The following HHAT variants were observed in gnomAD, a reference collection of about 807,000 sequenced individuals.
HHAT encodes protein-cysteine N-palmitoyltransferase HHAT.
A neutral mutation model predicts 70.8 loss-of-function variants in HHAT; 47 were observed. That is an observed-to-expected ratio of 0.66 (90% CI 0.53 to 0.85). The LOEUF is 0.85. Among genes scored for constraint, HHAT ranks in the 40% least tolerant of loss-of-function variants. HHAT has a pLI of 0.00. For missense variants in HHAT, 609 were observed against 604.8 expected (o/e 1.01, Z -0.07); for synonymous variants, 228 against 247.6 (o/e 0.92, Z 0.74).
At chr1:210,528,287 C>A (rs1456896871) in intron 9 of HHAT, among the ~76,000 whole-genome samples, 1 of 152,116 alleles carries the variant, frequency 6.6e-6, no homozygotes, top group South Asian at 2.1e-4. Context: ...AAAAGCATAT[C>A]AAACCCCTGT....
chr1:210,590,233 C>T (rs1344434308), intron 10 of HHAT: 1 of 152,150 alleles, frequency 6.6e-6, no homozygotes, highest in Non-Finnish European at 1.5e-5. Flanking sequence ...TCCAAATGCA[C>T]ACAATTTTTT....
intron 7 of HHAT, among the ~76,000 whole-genome samples, chr1:210,454,094 C>T (rs2093811845): frequency 6.6e-6 from 1 of 152,216 alleles, no homozygotes; most frequent in Admixed American, 6.5e-5. Context: ...GTGGGAAAGA[C>T]TGGCCCCCGT....
intron 7 of HHAT, among the ~76,000 whole-genome samples, chr1:210,439,047 C>T (rs538594587): frequency 3.9e-5 from 6 of 152,000 alleles, no homozygotes; most frequent in South Asian, 4.1e-4. Flanking sequence ...ATCATGCACA[C>T]GTCACCTTGG....
intron 11 of HHAT, chr1:210,631,171 T>C (rs538825130): frequency 2.2e-6 from 1 of 453,688 alleles, no homozygotes; most frequent in East Asian, 7.0e-5. Context: ...TAAGCAGCAA[T>C]ATCAGGTGAG....
chr1:210,554,932 T>C (rs1418323571), intron 9 of HHAT, among the ~76,000 whole-genome samples: 1 of 152,174 alleles, frequency 6.6e-6, no homozygotes, highest in Admixed American at 6.5e-5. Flanking sequence ...TGGTGTTTTC[T>C]CTTCTTCCTA....
Position 210,426,126 on chromosome 1 carries a change from C to A in HHAT, c.856+7801C>A, listed in dbSNP as rs555667061. Among the ~76,000 whole-genome samples the A allele has an allele frequency of 2.6e-5, 4 of 152,118 alleles. No individual in the cohort carries two copies. The South Asian group carries it at 8.3e-4, about 32-fold the overall frequency. On this transcript the variant is annotated intron_variant, in intron 7 of 11. Coordinates refer to ENST00000261458, the MANE Select transcript of HHAT (RefSeq NM_018194.6). ...GGCAGTTGTGAATGGTAATTTGTTG[C>A]TGATTTGGCTCTCAGCTTGACTGCT...
chr1:210,341,638 G>C (rs575605843), intron 1 of HHAT, among the ~76,000 whole-genome samples: 5 of 152,292 alleles, frequency 3.3e-5, no homozygotes, highest in South Asian at 4.1e-4. Context: ...GAGAGGATCC[G>C]AGTAGATGGC....
At chr1:210,350,986 G>A (rs1447939859) in intron 2 of HHAT, among the ~76,000 whole-genome samples, 1 of 152,094 alleles carries the variant, frequency 6.6e-6, no homozygotes, top group Non-Finnish European at 1.5e-5. Context: ...GGGTTCTCCA[G>A]GGAAATAGAA....
intron 11 of HHAT, among the ~76,000 whole-genome samples, chr1:210,649,359 A>G (rs1674676660): frequency 6.6e-6 from 1 of 152,258 alleles, no homozygotes; most frequent in Admixed American, 6.5e-5. Flanking sequence ...TGGCTTCACA[A>G]AATAAGCCGT....
At position 210,400,522 on chromosome 1, in the gene HHAT, G is replaced by A. The variant is rs1307835291; in HGVS notation, c.328G>A (p.Gly110Arg). ...GATGTGGGCCTGCTGGTGTGTGCTGGGGACCCCTGGTGTGGCTATGGTTTT... is the reference window on the plus strand; with the variant it reads ...GATGTGGGCCTGCTGGTGTGTGCTGAGGACCCCTGGTGTGGCTATGGTTTT... ...YGMWACWCVLGTPGVAMVLLH... is the reference protein window; with the variant it reads ...YGMWACWCVLRTPGVAMVLLH... The change falls in exon 5 of 12, where the codon GGG becomes AGG. Residue 110 changes from glycine to arginine, a missense_variant. Coordinates refer to ENST00000261458, the MANE Select transcript of HHAT (RefSeq NM_018194.6). 2 of 1,613,892 alleles carry A rather than the reference G, an allele frequency of 1.2e-6. No individual in the cohort carries two copies. Among genetic ancestry groups the A allele is most frequent in the African/African-American group, 2.7e-5 (2 of 74,880 alleles).
intron 9 of HHAT, among the ~76,000 whole-genome samples, chr1:210,571,128 C>T (rs1044385501): frequency 2.6e-5 from 4 of 152,206 alleles, no homozygotes; most frequent in South Asian, 2.1e-4. Context: ...GCAAAGATGG[C>T]GAGCTCTGGA....
At chr1:210,461,503 T>C (rs915099366) in intron 7 of HHAT, among the ~76,000 whole-genome samples, 6 of 152,050 alleles carry the variant, frequency 3.9e-5, no homozygotes, top group African/African-American at 1.4e-4. Context: ...GGCTTCACCA[T>C]GTTGGCCAGG....
At chr1:210,656,476 T>C (rs1676445393) in intron 11 of HHAT, among the ~76,000 whole-genome samples, 1 of 152,180 alleles carries the variant, frequency 6.6e-6, no homozygotes. Flanking sequence ...GCAGTGATCA[T>C]GGCTCCTCTC....
In HHAT at chr1:210,619,581, G is replaced by A. The variant is rs991633663; in HGVS notation, c.1246-3945G>A. Among the ~76,000 whole-genome samples the A allele has an allele frequency of 7.9e-5, 12 of 152,110 alleles. No homozygotes were observed. The East Asian group carries it at 1.4e-3, about 17-fold the overall frequency. On this transcript the variant is annotated intron_variant, in intron 10 of 11. Coordinates refer to ENST00000261458, the MANE Select transcript of HHAT (RefSeq NM_018194.6). The stretch of plus-strand genomic sequence containing the variant: ...TGATGAATGTAGGGGAGAACAATTC[G>A]CCCTTTCTCAACAGGGCTCTGCTGA...
chr1:210,546,483 G>C (rs2095484487), intron 9 of HHAT, among the ~76,000 whole-genome samples: 1 of 152,222 alleles, frequency 6.6e-6, no homozygotes, highest in Non-Finnish European at 1.5e-5. Flanking sequence ...TGGAAGATGA[G>C]TGCATGCTTG....
chr1:210,627,699 C>T (rs1670081724), intron 11 of HHAT, among the ~76,000 whole-genome samples: 1 of 152,042 alleles, frequency 6.6e-6, no homozygotes, highest in Non-Finnish European at 1.5e-5. Context: ...AAGTAGTGTT[C>T]AGTTTATTCA....
intron 1 of HHAT, among the ~76,000 whole-genome samples, chr1:210,345,209 G>T (rs2086411947): frequency 6.6e-6 from 1 of 152,118 alleles, no homozygotes; most frequent in African/African-American, 2.4e-5. Context: ...TCCAGGGCTG[G>T]TTCCTGCTTT....
intron 8 of HHAT, 62 bp downstream of exon 8, chr1:210,464,717 C>T (rs934944540): frequency 3.1e-5 from 49 of 1,586,152 alleles, no homozygotes; most frequent in Admixed American, 2.1e-4. Context: ...ATGGCTGGGC[C>T]GGCCTCAAAG....
At chr1:210,407,587 C>T (rs1161823771) in intron 6 of HHAT, among the ~76,000 whole-genome samples, 1 of 152,214 alleles carries the variant, frequency 6.6e-6, no homozygotes, top group Non-Finnish European at 1.5e-5. Flanking sequence ...CAATGTAAAG[C>T]ATGTGAAATT....
Sources: allele counts gnomAD v4.1 joint callset (sites outside exome capture counted in the v4.1 genomes callset), GRCh38; gene constraint gnomAD v4.1.1; transcripts MANE v1.5; gene names NCBI Gene and HGNC (gene_info 2026-07-23, HGNC 2026-07-21).